Variants in WSCD2 observed in about 807,000 individuals in gnomAD.
The protein encoded by WSCD2 is sialate:O-sulfotransferase 2.
Under a neutral mutation model 55.7 loss-of-function variants are expected in WSCD2, and 28 were observed. The ratio of observed to expected loss-of-function variants is 0.50; its 90% CI spans 0.37 to 0.69. WSCD2 has a LOEUF of 0.69. Among genes scored for constraint, WSCD2 ranks in the 30% least tolerant of loss-of-function variants. The pLI is 0.00. For missense variants in WSCD2, 616 were observed against 762.1 expected (o/e 0.81, Z 2.26); for synonymous variants, 301 against 301.9 (o/e 1.00, Z 0.03).
At chr12:108,155,478 A>C (rs1878423805) in intron 1 of WSCD2, among the ~76,000 whole-genome samples, 1 of 152,194 alleles carries the variant, frequency 6.6e-6, no homozygotes, top group African/African-American at 2.4e-5. Flanking sequence ...TGACAGAAGA[A>C]ATGGCAGTAT....
chr12:108,144,242 G>A (rs2136891271), intron 1 of WSCD2, among the ~76,000 whole-genome samples: 1 of 152,258 alleles, frequency 6.6e-6, no homozygotes, highest in South Asian at 2.1e-4. Flanking sequence ...GACCTCAAAA[G>A]ACACACCGGC....
intron 1 of WSCD2, among the ~76,000 whole-genome samples, chr12:108,190,541 T>C (rs1298965540): frequency 6.6e-6 from 1 of 152,056 alleles, no homozygotes; most frequent in Admixed American, 6.6e-5. Context: ...AGGCATAATT[T>C]TACTCCCAGG....
intron 1 of WSCD2, among the ~76,000 whole-genome samples, chr12:108,191,472 C>A (rs999621115): frequency 6.6e-6 from 1 of 152,054 alleles, no homozygotes; most frequent in Non-Finnish European, 1.5e-5. Context: ...TTGGCTCAGC[C>A]GAATCCTGGA....
Position 108,195,628 on chromosome 12 carries a change from G to A in WSCD2, c.-205G>A. 1 of 696,080 alleles carries A rather than the reference G, an allele frequency of 1.4e-6. No homozygotes were observed. Among genetic ancestry groups the A allele is most frequent in the Non-Finnish European group, 2.3e-6 (1 of 438,356 alleles). 43.1% of individuals were successfully genotyped at this position (696,080 alleles called of 1,614,324 possible). ...GCTCACCTTCAGTTTGGGAGGGCTG[G>A]TAAGCTCCATCCTTTCTCATGGCCT... On this transcript the variant is annotated 5_prime_UTR_variant, in exon 2 of 9. The change creates a premature stop within an existing upstream ORF in the 5' untranslated region. Coordinates refer to ENST00000547525, the MANE Select transcript of WSCD2 (RefSeq NM_014653.4).
At chr12:108,217,488 A>G (rs1171404428) in intron 4 of WSCD2, among the ~76,000 whole-genome samples, 1 of 152,186 alleles carries the variant, frequency 6.6e-6, no homozygotes, top group Non-Finnish European at 1.5e-5. Flanking sequence ...CTGTGTCCAG[A>G]TCACCAAGAC....
intron 1 of WSCD2, among the ~76,000 whole-genome samples, chr12:108,191,441 T>C (rs1231498239): frequency 1.3e-5 from 2 of 152,002 alleles, no homozygotes; most frequent in Non-Finnish European, 2.9e-5. Flanking sequence ...GAGTCTGGGA[T>C]ACCTTTGAGG....
Position 108,210,103 on chromosome 12 carries a change from G to C in WSCD2, c.498-18G>C, listed in dbSNP as rs1406885079. ...CTCCATGGTGGCAGCTACCCTGCTT[G>C]ACAGCAGCCTCCCCCAGGGGTTACC... On this transcript the variant is annotated intron_variant, in intron 3 of 8. Transcript: ENST00000547525. The surrounding 1 kb of genome is among the most constrained non-coding windows in gnomAD (Gnocchi z 4.3). 2 of 1,613,950 alleles carry C rather than the reference G, an allele frequency of 1.2e-6. No individual in the cohort carries two copies. Among genetic ancestry groups the C allele is most frequent in the Admixed American group, 1.7e-5 (1 of 60,010 alleles).
chr12:108,147,823 C>T (rs1390744835), intron 1 of WSCD2, among the ~76,000 whole-genome samples: 4 of 151,576 alleles, frequency 2.6e-5, no homozygotes, highest in East Asian at 1.9e-4. Context: ...CACCACTGCA[C>T]CCCAGCCTGG....
chr12:108,131,228 C>T (rs1875476093), intron 1 of WSCD2, among the ~76,000 whole-genome samples: 2 of 152,164 alleles, frequency 1.3e-5, no homozygotes, highest in Admixed American at 1.3e-4. Context: ...CTCTCATTTG[C>T]TGTGTGACTT....
intron 7 of WSCD2, among the ~76,000 whole-genome samples, chr12:108,236,170 T>C (rs1156934944): frequency 6.6e-6 from 1 of 152,240 alleles, no homozygotes; most frequent in African/African-American, 2.4e-5. Flanking sequence ...AGAGTTTCTT[T>C]TCTTCTGCTA....
At chr12:108,154,360 C>A (rs1166066364) in intron 1 of WSCD2, among the ~76,000 whole-genome samples, 1 of 152,118 alleles carries the variant, frequency 6.6e-6, no homozygotes, top group Non-Finnish European at 1.5e-5. Flanking sequence ...GGGTCATGAC[C>A]CCTTTTCATC....
At chr12:108,203,889 G>A (rs1885009753) in intron 2 of WSCD2, among the ~76,000 whole-genome samples, 1 of 152,172 alleles carries the variant, frequency 6.6e-6, no homozygotes, top group Non-Finnish European at 1.5e-5. Flanking sequence ...GATGGTTGGA[G>A]GACAGACCTG....
intron 4 of WSCD2, among the ~76,000 whole-genome samples, chr12:108,212,788 T>C (rs1219570794): frequency 1.3e-5 from 2 of 152,188 alleles, no homozygotes; most frequent in Non-Finnish European, 2.9e-5. Context: ...TGGTGCTTTG[T>C]ACCATCTGAG....
chr12:108,150,718 G>A lies in WSCD2; in HGVS notation c.-552+20792G>A, dbSNP rs116649385. 2.0e-3 allele frequency among the ~76,000 whole-genome samples: 311 copies of A among 152,228 alleles called. 1 individual carries two copies. The highest frequency in any genetic ancestry group is 7.2e-3 in the African/African-American group (298 of 41,544). Reference sequence around the variant, plus strand: ...TGGATCCACTTTGACCTTCCCTTTGGCACTCTCTCTGCCCACCCTGCCCGG... The same window carrying A: ...TGGATCCACTTTGACCTTCCCTTTGACACTCTCTCTGCCCACCCTGCCCGG... On this transcript the variant is annotated intron_variant, in intron 1 of 8. Coordinates refer to ENST00000547525, the MANE Select transcript of WSCD2 (RefSeq NM_014653.4).
intron 1 of WSCD2, among the ~76,000 whole-genome samples, chr12:108,188,023 A>G (rs907640054): frequency 1.3e-5 from 2 of 152,262 alleles, no homozygotes; most frequent in African/African-American, 4.8e-5. Context: ...ATTTATTTAT[A>G]ACGGACACCA....
intron 7 of WSCD2, 72 bp downstream of exon 7, chr12:108,232,967 G>A: frequency 6.4e-7 from 1 of 1,562,958 alleles, no homozygotes; most frequent in Non-Finnish European, 8.7e-7. Flanking sequence ...GGAGGGTATG[G>A]GAATACTCCT....
At chr12:108,246,560 T>A (rs2137251097) in intron 8 of WSCD2, among the ~76,000 whole-genome samples, 1 of 151,998 alleles carries the variant, frequency 6.6e-6, no homozygotes, top group African/African-American at 2.4e-5. Context: ...TCTGCGGGAG[T>A]TTCAGCAGCT....
intron 1 of WSCD2, among the ~76,000 whole-genome samples, chr12:108,189,182 C>A (rs1422880392): frequency 1.3e-5 from 2 of 152,166 alleles, no homozygotes; most frequent in Non-Finnish European, 2.9e-5. Flanking sequence ...ATGAATACCA[C>A]TGATAAGTAG....
intron 6 of WSCD2, among the ~76,000 whole-genome samples, chr12:108,229,521 C>T (rs1370820444): frequency 6.6e-6 from 1 of 152,198 alleles, no homozygotes; most frequent in Non-Finnish European, 1.5e-5. Context: ...CATTATCCCA[C>T]ATAATTGTGT....
Sources: gnomAD v4.1 joint callset for allele counts (sites outside exome capture counted in the v4.1 genomes callset) on GRCh38, gnomAD v4.1.1 for gene constraint, Gnocchi (gnomAD v3.1) non-coding constraint, MANE v1.5 for transcripts, NCBI Gene and HGNC (gene_info 2026-07-23, HGNC 2026-07-21) for gene names.